PIKFYVE: variants seen among roughly 807,000 people sequenced by gnomAD.
The protein encoded by PIKFYVE is 1-phosphatidylinositol 3-phosphate 5-kinase.
Under a neutral mutation model 257.9 loss-of-function variants are expected in PIKFYVE, and 122 were observed. That is an observed-to-expected ratio of 0.47 (90% confidence interval 0.41 to 0.55). The LOEUF (loss-of-function observed/expected upper bound fraction) is 0.55, where lower values mean the gene tolerates loss of function less well. Ranked by LOEUF, PIKFYVE falls within the 20% of genes least tolerant of loss-of-function variation. PIKFYVE has a pLI of 0.00. For synonymous variants in PIKFYVE, 892 were observed against 868.9 expected (o/e 1.03, Z -0.47); for missense variants, 2,160 against 2,536.6 (o/e 0.85, Z 3.19).
chr2:208,345,090 T>G, intron 32 of PIKFYVE, 21 bp from the exon 33 acceptor site: 1 of 1,519,294 alleles, frequency 6.6e-7, no homozygotes, highest in Non-Finnish European at 9.1e-7. Flanking sequence ...TTAACGTTTT[T>G]CAACCTATTT....
chr2:208,338,997 A>G (rs937461065), intron 29 of PIKFYVE, among the ~76,000 whole-genome samples: 2 of 152,224 alleles, frequency 1.3e-5, no homozygotes, highest in Admixed American at 1.3e-4. Flanking sequence ...GGAAATTTAC[A>G]TAGACTGTAG....
chr2:208,302,259 T>C lies in PIKFYVE; in HGVS notation c.1226T>C (p.Ile409Thr), dbSNP rs1323154044. The part of the protein sequence containing the change: ...HIATRAQAIA[I>T]GQAMVDGRWL... ...TGATTCAGGGCACAAGCTATAGCAA[T>C]TGGACAAGCAATGGTTGATGGACGT... Residue 409 changes from isoleucine (I) to threonine (T), a missense_variant, in exon 10 of 42, where the codon ATT becomes ACT. By Grantham distance (89) the Ile-to-Thr change is moderately conservative (BLOSUM62 -1). Coordinates refer to ENST00000264380, the MANE Select transcript of PIKFYVE (RefSeq NM_015040.4). 1.9e-6 allele frequency: 3 copies of C among 1,614,106 alleles called. No homozygotes were observed. The highest frequency in any genetic ancestry group is 2.5e-6 in the Non-Finnish European group (3 of 1,179,972).
Position 208,355,535 on chromosome 2 carries a change from T to C in PIKFYVE, c.*230T>C. 2.2e-6 allele frequency: 1 copy of C among 463,700 alleles called. No individual in the cohort carries two copies. Among genetic ancestry groups the C allele is most frequent in the South Asian group, 2.5e-5 (1 of 39,708 alleles). 28.7% of individuals were successfully genotyped at this position (463,700 alleles called of 1,614,324 possible). A position where few individuals can be genotyped will look rare whatever the true frequency, so the allele number is the denominator to read the frequency against. On this transcript the variant is annotated 3_prime_UTR_variant, in exon 42 of 42. Coordinates refer to ENST00000264380, the MANE Select transcript of PIKFYVE (RefSeq NM_015040.4). ...TGTAGGTTGGGAAGTGGCATGAAAA[T>C]TTTCTTAAGCTAAAATACAGACATG...
chr2:208,285,921 T>G lies in PIKFYVE; in HGVS notation c.809T>G (p.Leu270Trp), dbSNP rs772228676. The change falls in exon 6 of 42, where the codon TTG (leucine) becomes TGG (tryptophan). Residue 270 changes from leucine (L) to tryptophan (W), a missense_variant. Physicochemically the swap from Leu to Trp is moderately conservative, Grantham distance 61 (BLOSUM62 -2). Around this residue, in one of 12 missense-constraint regions of PIKFYVE, gnomAD observed 187 missense variants for 185.6 expected, o/e 1.01. Transcript: ENST00000264380. ...CGTAACATATTTTTAGAGGATGATT[T>G]GGCCTGGCAAAGGTATTGTCCCTTA... is the stretch of plus-strand genomic sequence containing the variant. The part of the protein sequence containing the change: ...ASRNIFLEDD[L>W]AWQSLIHPDS... 27 of 1,613,868 alleles carry G rather than the reference T, an allele frequency of 1.7e-5. No individual in the cohort carries two copies. Among genetic ancestry groups the G allele is most frequent in the Admixed American group, 1.0e-4 (6 of 59,998 alleles).
chr2:208,310,797 C>G (rs1239163655), intron 12 of PIKFYVE, among the ~76,000 whole-genome samples: 2 of 152,134 alleles, frequency 1.3e-5, no homozygotes, highest in Non-Finnish European at 2.9e-5. Flanking sequence ...GAACCAAATG[C>G]CATGTGTGAA....
rs561085578 is a variant in PIKFYVE at position 208,338,964 on chromosome 2, G to A, written c.4672+396G>A. Among the ~76,000 whole-genome samples, 4 of 152,160 alleles carry A rather than the reference G, an allele frequency of 2.6e-5. 1 individual carries two copies. In the South Asian group the frequency reaches 6.2e-4, roughly 24 times the overall value. On this transcript the variant is annotated intron_variant, in intron 29 of 41. Transcript: ENST00000264380. ...TCACAGTATTTCATTGAATAACTTG[G>A]TGTCATCATAGAAACTTTGTGGGGA... is the stretch of plus-strand genomic sequence containing the variant.
chr2:208,294,038 C>T (rs1006862347), intron 7 of PIKFYVE, among the ~76,000 whole-genome samples: 4 of 152,024 alleles, frequency 2.6e-5, no homozygotes, highest in East Asian at 1.9e-4. Context: ...CTTCTTTTTT[C>T]GGTATTCCCA....
rs1696796318 is a variant in PIKFYVE at position 208,325,314 on chromosome 2, C to G, written c.2503C>G (p.Leu835Val). Residue 835 changes from leucine (L) to valine (V), a missense_variant, in exon 20 of 42, where the codon CTA (leucine) becomes GTA (valine). Transcript: ENST00000264380. ...GTTTTTTGAAGGTTGTCCACAGCAC[C>G]TAGGCTGTACAATCAAGCTAAGAGG... The part of the protein sequence containing the change: ...LMFFEGCPQH[L>V]GCTIKLRGGS... The G allele has an allele frequency of 6.2e-7, 1 of 1,613,972 alleles. No individual in the cohort carries two copies. Among genetic ancestry groups the G allele is most frequent in the African/African-American group, 1.3e-5 (1 of 74,918 alleles).
intron 5 of PIKFYVE, among the ~76,000 whole-genome samples, chr2:208,279,581 A>G (rs925192071): frequency 6.6e-6 from 1 of 152,138 alleles, no homozygotes; most frequent in Non-Finnish European, 1.5e-5. Context: ...TTCGTATATG[A>G]TGAAACATAG....
At chr2:208,270,297 C>T (rs1159875811) in intron 1 of PIKFYVE, among the ~76,000 whole-genome samples, 2 of 152,050 alleles carry the variant, frequency 1.3e-5, no homozygotes, top group Admixed American at 6.5e-5. Flanking sequence ...CCACTTCGGC[C>T]TCCCAAAGTG....
At chr2:208,286,057 C>A in intron 6 of PIKFYVE, 124 bp downstream of exon 6, 2 of 1,017,222 alleles carry the variant, frequency 2.0e-6, no homozygotes, top group Non-Finnish European at 2.9e-6. Flanking sequence ...CTGTGTTCTC[C>A]TTTTTCTTTG....
chr2:208,345,188 CA>C lies in PIKFYVE; in HGVS notation c.5108del (p.Asn1703IlefsTer19), dbSNP rs1489431283. Reference protein sequence around the residue: ...QWNSAEEGLPTNSTSDSRPKS... With the variant: ...QWNSAEEGLPXNSTSDSRPKS... ...AACAGTGCCGAAGAAGGGCTTCCAA[CA>C]AATAGGTGATTCATGATTGAGTAGA... On this transcript the variant is annotated frameshift_variant, in exon 33 of 42. Transcript: ENST00000264380. LOFTEE classifies it high-confidence loss of function. The C allele has an allele frequency of 6.2e-7, 1 of 1,605,236 alleles. No homozygotes were observed.
chr2:208,326,629 C>G (rs1474268514), intron 20 of PIKFYVE, among the ~76,000 whole-genome samples, 200 bp downstream of exon 20: 2 of 152,102 alleles, frequency 1.3e-5, no homozygotes, highest in Admixed American at 6.6e-5. Context: ...TGTAATGAAA[C>G]TGGGTTTCAG....
intron 35 of PIKFYVE, among the ~76,000 whole-genome samples, chr2:208,348,677 A>G (rs1006239837): frequency 1.3e-5 from 2 of 150,414 alleles, no homozygotes; most frequent in Non-Finnish European, 3.0e-5. Flanking sequence ...TAGATCAGGA[A>G]TAGGCAGACT....
At chr2:208,342,282 T>G (rs534114695) in intron 31 of PIKFYVE, among the ~76,000 whole-genome samples, 1 of 152,346 alleles carries the variant, frequency 6.6e-6, no homozygotes, top group Admixed American at 6.5e-5. Flanking sequence ...TATTTTAGAC[T>G]TCTGCTGTTC....
intron 15 of PIKFYVE, among the ~76,000 whole-genome samples, chr2:208,316,515 T>C (rs1398945733): frequency 1.3e-5 from 2 of 152,130 alleles, no homozygotes; most frequent in African/African-American, 4.8e-5. Flanking sequence ...TGTTCCTATT[T>C]CTCCACATCC....
chr2:208,303,436 A>G (rs924071539), intron 10 of PIKFYVE, among the ~76,000 whole-genome samples: 13 of 152,220 alleles, frequency 8.5e-5, no homozygotes, highest in Admixed American at 8.5e-4. Flanking sequence ...ATAACAGACA[A>G]TTAATACATA....
At chr2:208,323,954 G>A (rs1490394237) in intron 17 of PIKFYVE, among the ~76,000 whole-genome samples, 188 bp from the exon 18 acceptor site, 1 of 151,314 alleles carries the variant, frequency 6.6e-6, no homozygotes, top group African/African-American at 2.4e-5. Flanking sequence ...TTTTGATGGG[G>A]TTGTTTGTTT....
At chr2:208,349,940 G>A (rs1699615373) in intron 35 of PIKFYVE, 84 bp from the exon 36 acceptor site, 2 of 1,558,352 alleles carry the variant, frequency 1.3e-6, no homozygotes, top group Non-Finnish European at 1.7e-6. Flanking sequence ...AAGTTTTTTT[G>A]TTACATCAAG....
Sources: allele counts gnomAD v4.1 joint callset (sites outside exome capture counted in the v4.1 genomes callset), GRCh38; gene constraint gnomAD v4.1.1; regional missense constraint gnomAD v4.1.1; transcripts MANE v1.5; gene names NCBI Gene and HGNC (gene_info 2026-07-23, HGNC 2026-07-21).